MTMR4: variants seen among roughly 807,000 people sequenced by gnomAD.
The protein encoded by MTMR4 is myotubularin related protein 4.
In MTMR4, 30 loss-of-function variants were observed where a neutral mutation model predicts 125.5. The ratio of observed to expected loss-of-function variants is 0.24; its 90% confidence interval spans 0.18 to 0.32. MTMR4 has a LOEUF of 0.32. Among genes scored for constraint, MTMR4 ranks in the 10% least tolerant of loss-of-function variants. The probability of loss-of-function intolerance (pLI) is 1.00; values close to 1 mark genes in which losing one functional copy is unlikely to be tolerated. For synonymous variants in MTMR4, 498 were observed against 564.5 expected, an observed-to-expected ratio of 0.88 and a Z score of 1.67; for missense variants, 1,039 against 1,511.5, an observed-to-expected ratio of 0.69 and a Z score of 5.18.
At position 58,504,334 on chromosome 17, in the gene MTMR4, G is replaced by A; in HGVS notation, c.1496C>T (p.Pro499Leu). Residue 499 changes from proline (P) to leucine (L), a missense_variant, in exon 12 of 18, where the codon CCC becomes CTC. Pro to Leu is a moderately conservative substitution (Grantham distance 98, BLOSUM62 -3). Coordinates refer to ENST00000682306, the MANE Select transcript of MTMR4 (RefSeq NM_001378067.1). This position sits in a 1 kb window ranked among gnomAD's most constrained non-coding sequence, Gnocchi z 7.1. ...DSVHQLLKQF[P>L]CLFEFNEAFL... is the part of the protein sequence containing the mutation. ...TGCTTCATTAAATTCAAACAGGCAG[G>A]GGAACTGCTTAAGCAACTGATGAAC... The A allele has an allele frequency of 6.2e-7, 1 of 1,614,018 alleles. No individual in the cohort carries two copies. Among genetic ancestry groups the A allele is most frequent in the Non-Finnish European group, 8.5e-7 (1 of 1,179,966 alleles).
Position 58,495,477 on chromosome 17 carries a change from G to A in MTMR4, c.2707C>T (p.Arg903Trp), listed in dbSNP as rs778171437. 1.7e-5 allele frequency: 27 copies of A among 1,614,236 alleles called. No individual in the cohort carries two copies. Among genetic ancestry groups the A allele is most frequent in the African/African-American group, 4.0e-5 (3 of 75,056 alleles). Reference sequence around the variant, plus strand: ...ATCTGGCTCTGAGAAATTGGCTTCCGGACCAATTCCAATGGCATTTTCCCA... The same window carrying A: ...ATCTGGCTCTGAGAAATTGGCTTCCAGACCAATTCCAATGGCATTTTCCCA... ...RFGKMPLELV[R>W]KPISQSQISE... Residue 903 changes from arginine to tryptophan, a missense_variant, in exon 15 of 18, where the codon CGG becomes TGG. By Grantham distance (101) the Arg-to-Trp change is moderately radical. This residue lies in a region of MTMR4 where 619 missense variants were observed against 714.5 expected (regional missense o/e 0.87). Coordinates refer to ENST00000682306, the MANE Select transcript of MTMR4 (RefSeq NM_001378067.1).
At chr17:58,514,681 AGGTAGAGGCGGG>A (rs1476483564), upstream of MTMR4, 7 of 984,856 alleles carry the variant, frequency 7.1e-6, no homozygotes, top group Non-Finnish European at 8.4e-6. Flanking sequence ...GGGAAGGCGG[AGGTAGAGGCGGG>A]GCGGCTCCGC....
intron 4 of MTMR4, 148 bp downstream of exon 4, chr17:58,511,281 C>T: frequency 1.4e-6 from 1 of 739,794 alleles, no homozygotes; most frequent in South Asian, 2.0e-5. Flanking sequence ...AAACTGACCT[C>T]CCAACCCAGA....
Position 58,508,453 on chromosome 17 carries a change from C to T in MTMR4, c.593+15G>A. 6.2e-7 allele frequency: 1 copy of T among 1,613,762 alleles called. No homozygotes were observed. The highest frequency in any genetic ancestry group is 1.1e-5 in the South Asian group (1 of 91,050). ...AGTTTGGTGTGGAAGGTGTTTTGGT[C>T]CCCAACCCTCTCACTTGTAGTTGCT... On this transcript the variant is annotated intron_variant, in intron 6 of 17. Coordinates refer to ENST00000682306, the MANE Select transcript of MTMR4 (RefSeq NM_001378067.1). The surrounding 1 kb of genome is among the most constrained non-coding windows in gnomAD (Gnocchi z 4.8).
chr17:58,509,796 A>G (rs1350058247), intron 4 of MTMR4, among the ~76,000 whole-genome samples: 1 of 152,190 alleles, frequency 6.6e-6, no homozygotes, highest in Non-Finnish European at 1.5e-5. Flanking sequence ...GCTAGAGTTT[A>G]GCCTCCTTGA....
chr17:58,518,892 A>C (rs2042067844), upstream of MTMR4, among the ~76,000 whole-genome samples: 1 of 152,156 alleles, frequency 6.6e-6, no homozygotes, highest in Non-Finnish European at 1.5e-5. Context: ...TAATGTCCTC[A>C]CCCATCTTTG....
At chr17:58,519,020 TAATTA>T (rs757827516), upstream of MTMR4, among the ~76,000 whole-genome samples, 29 of 152,356 alleles carry the variant, frequency 1.9e-4, no homozygotes, top group Admixed American at 1.5e-3. Context: ...GTAAATTTTT[TAATTA>T]AATACTGAAC....
chr17:58,503,951 C>T (rs1975708985), intron 13 of MTMR4, 53 bp from the exon 14 acceptor site: 2 of 1,582,688 alleles, frequency 1.3e-6, no homozygotes, highest in East Asian at 2.2e-5. Flanking sequence ...TGTCCTTTTT[C>T]TTTCCCTAAG....
chr17:58,502,248 C>G lies in MTMR4; in HGVS notation c.1853+1496G>C, dbSNP rs185478211. Among the ~76,000 whole-genome samples, 788 of 151,566 alleles carry G rather than the reference C, an allele frequency of 5.2e-3. 12 individuals carry two copies. Among genetic ancestry groups the G allele is most frequent in the African/African-American group, 0.017 (718 of 41,324 alleles). ...CTTGGCTTACTGCAATCTCCACCCC[C>G]CCAGATTCAAGCGATTCTTATGCCT... is the stretch of plus-strand genomic sequence containing the variant. On this transcript the variant is annotated intron_variant, in intron 14 of 17. Transcript: ENST00000682306.
Position 58,489,810 on chromosome 17 carries a change from T to C in MTMR4, c.*1853A>G, listed in dbSNP as rs1975270889. On this transcript the variant is annotated 3_prime_UTR_variant, in exon 18 of 18. Transcript: ENST00000682306. ...CCAAATGTTACCAATCTTACTCCCC[T>C]TGAAAACAGGCAGAGTGAAGTGCAA... The C allele has an allele frequency of 6.6e-6, 1 of 152,612 alleles. No individual in the cohort carries two copies. The highest frequency in any genetic ancestry group is 6.5e-5 in the Admixed American group (1 of 15,284). The allele number at this position is 152,612 out of a possible 1,614,324, so 9.5% of individuals were successfully genotyped here. A position where few individuals can be genotyped will look rare whatever the true frequency, so the allele number is the denominator to read the frequency against.
Position 58,506,822 on chromosome 17 carries a change from T to C in MTMR4, c.954A>G (p.Gln318=), listed in dbSNP as rs556907711. 2 of 1,613,720 alleles carry C rather than the reference T, an allele frequency of 1.2e-6. No homozygotes were observed. Among genetic ancestry groups the C allele is most frequent in the South Asian group, 2.2e-5 (2 of 91,056 alleles). Residue 318 remains glutamine (Q), a synonymous_variant, in exon 9 of 18, where the codon CAA becomes CAG. Coordinates refer to ENST00000682306, the MANE Select transcript of MTMR4 (RefSeq NM_001378067.1). The part of the protein sequence containing the change: ...CSGVESTAAP[Q]KLLILDARSY... ...ATCGCGCATCCAGGATCAGCAGCTTTTGAGGAGCTGCTGTGCTCTCCACTC... is the reference window on the plus strand; with the variant it reads ...ATCGCGCATCCAGGATCAGCAGCTTCTGAGGAGCTGCTGTGCTCTCCACTC...
At chr17:58,518,245 C>A (rs1488093360), upstream of MTMR4, among the ~76,000 whole-genome samples, 2 of 152,196 alleles carry the variant, frequency 1.3e-5, no homozygotes, top group East Asian at 3.9e-4. Context: ...CTACTGGTAG[C>A]GCAATTAGAG....
At position 58,512,794 on chromosome 17, in the gene MTMR4, G is replaced by T; in HGVS notation, c.135+58C>A. 1 of 1,431,252 alleles carries T rather than the reference G, an allele frequency of 7.0e-7. No individual in the cohort carries two copies. Among genetic ancestry groups the T allele is most frequent in the African/African-American group, 1.4e-5 (1 of 70,766 alleles). 88.7% of individuals were successfully genotyped at this position (1,431,252 alleles called of 1,614,324 possible). On this transcript the variant is annotated intron_variant, in intron 2 of 17. Transcript: ENST00000682306. This position sits in a 1 kb window ranked among gnomAD's most constrained non-coding sequence, Gnocchi z 4.1. ...CCTTGAGGATTTTTGGGAGAAGGGA[G>T]GGTGTTTTTTAACTGGGCAGGGAGC...
At position 58,496,135 on chromosome 17, in the gene MTMR4, A is replaced by G. The variant is rs1298300340; in HGVS notation, c.2049T>C (p.Thr683=). The change falls in exon 15 of 18, where the codon ACT becomes ACC. Residue 683 remains threonine (T), a synonymous_variant. Coordinates refer to ENST00000682306, the MANE Select transcript of MTMR4 (RefSeq NM_001378067.1). ...VDSGVGGPQQ[T]VGEVGLPPPL... The stretch of plus-strand genomic sequence containing the variant: ...GAGGAGGAAGACCCACTTCTCCTAC[A>G]GTTTGCTGAGGCCCTCCTACCCCAG... The G allele has an allele frequency of 4.3e-6, 7 of 1,614,046 alleles. No homozygotes were observed. The East Asian group carries it at 8.9e-5, about 21-fold the overall frequency.
intron 17 of MTMR4, among the ~76,000 whole-genome samples, 191 bp downstream of exon 17, chr17:58,492,320 C>A (rs535180484): frequency 5.9e-5 from 9 of 152,116 alleles, no homozygotes; most frequent in Non-Finnish European, 1.3e-4. Context: ...TACAGGCATG[C>A]GCCACCACGC....
intron 4 of MTMR4, chr17:58,510,774 G>A (rs11650221): frequency 9.2e-4 from 140 of 152,042 alleles, no homozygotes; most frequent in Non-Finnish European, 1.7e-3. Context: ...ATGGGGTCTC[G>A]CTATGTTGCC....
rs1945460390 is a variant in MTMR4 at position 58,512,425 on chromosome 17, G to A, written c.217C>T (p.Arg73Trp). 6 of 1,613,978 alleles carry A rather than the reference G, an allele frequency of 3.7e-6. No individual in the cohort carries two copies. Among genetic ancestry groups the A allele is most frequent in the African/African-American group, 1.3e-5 (1 of 74,910 alleles). ...GAGTCCTTGAATTTGATATGCAGCC[G>A]GTAGTTAGAGATGGCAATGAGGGCA... is the stretch of plus-strand genomic sequence containing the variant. ...ADALIAISNYRLHIKFKDSVI... is the reference protein window; with the variant it reads ...ADALIAISNYWLHIKFKDSVI... The change falls in exon 3 of 18, where the codon CGG becomes TGG. Residue 73 changes from arginine to tryptophan, a missense_variant. This residue lies in a region of MTMR4 where 202 missense variants were observed against 311.9 expected (regional missense o/e 0.65). Transcript: ENST00000682306. The surrounding 1 kb of genome is among the most constrained non-coding windows in gnomAD (Gnocchi z 4.1).
upstream of MTMR4, among the ~76,000 whole-genome samples, chr17:58,518,453 G>C (rs569258034): frequency 6.6e-6 from 1 of 152,156 alleles, no homozygotes; most frequent in African/African-American, 2.4e-5. Context: ...CTGAGGTTCA[G>C]TCTTGGTCAT....
In MTMR4 at chr17:58,494,959, C is replaced by A. The variant is rs749904576; in HGVS notation, c.3225G>T (p.Glu1075Asp). The A allele has an allele frequency of 1.2e-6, 2 of 1,613,974 alleles. No homozygotes were observed. Among genetic ancestry groups the A allele is most frequent in the Non-Finnish European group, 1.7e-6 (2 of 1,179,976 alleles). The change falls in exon 15 of 18, where the codon GAG (glutamate) becomes GAT (aspartate). Residue 1075 changes from glutamate to aspartate, a missense_variant. Physicochemically the swap from Glu to Asp is conservative, Grantham distance 45 (BLOSUM62 2). Around this residue, in one of 6 missense-constraint regions of MTMR4, gnomAD observed 619 missense variants for 714.5 expected, o/e 0.87. Coordinates refer to ENST00000682306, the MANE Select transcript of MTMR4 (RefSeq NM_001378067.1). ...AATCATCCTCATAGTCCATGGGGGG[C>A]TCTGCTGGAGGGGCACAGCAGTGAC... is the stretch of plus-strand genomic sequence containing the variant. ...DIRHCCAPPA[E>D]PPMDYEDDFT...
Sources: allele counts gnomAD v4.1 joint callset (sites outside exome capture counted in the v4.1 genomes callset), GRCh38; gene constraint gnomAD v4.1.1; regional missense constraint gnomAD v4.1.1; non-coding constraint Gnocchi (gnomAD v3.1); transcripts MANE v1.5; gene names NCBI Gene and HGNC (gene_info 2026-07-23, HGNC 2026-07-21).